The following ANO2 variants were observed in gnomAD, a reference collection of about 807,000 sequenced individuals.
ANO2 encodes the protein anoctamin-2.
A neutral mutation model predicts 124.2 loss-of-function variants in ANO2; 101 were observed. The observed-to-expected ratio is 0.81, with a 90% confidence interval of 0.69 to 0.96. The LOEUF is 0.96. ANO2 is among the 40% of genes least tolerant of loss of function. ANO2 has a pLI of 0.00. For missense variants in ANO2, 1,293 were observed against 1,274.5 expected (o/e 1.01, Z -0.22); for synonymous variants, 486 against 482.5 (o/e 1.01, Z -0.09).
intron 19 of ANO2, among the ~76,000 whole-genome samples, chr12:5,611,414 A>G (rs1944541617): frequency 6.6e-6 from 1 of 152,170 alleles, no homozygotes; most frequent in Non-Finnish European, 1.5e-5. Flanking sequence ...CTCTGAGAAG[A>G]CAAGGGCCGT....
At chr12:5,843,236 A>T (rs1361596573) in intron 4 of ANO2, among the ~76,000 whole-genome samples, 1 of 152,198 alleles carries the variant, frequency 6.6e-6, no homozygotes, top group Non-Finnish European at 1.5e-5. Flanking sequence ...ACGACCGAGG[A>T]TCTGCAAGTT....
At chr12:5,692,946 C>T (rs1949006699) in intron 14 of ANO2, among the ~76,000 whole-genome samples, 1 of 152,194 alleles carries the variant, frequency 6.6e-6, no homozygotes, top group Non-Finnish European at 1.5e-5. Flanking sequence ...TAACTCCTTT[C>T]ATCCTGAGAC....
chr12:5,880,693 T>C (rs1938424456), intron 3 of ANO2, among the ~76,000 whole-genome samples: 1 of 152,088 alleles, frequency 6.6e-6, no homozygotes, highest in African/African-American at 2.4e-5. Flanking sequence ...CCAAAATAAA[T>C]TAAATAATAA....
Position 5,862,677 on chromosome 12 carries a change from G to A in ANO2, c.535-8536C>T, listed in dbSNP as rs1453154660. Among the ~76,000 whole-genome samples, 1 of 152,202 alleles carries A rather than the reference G, an allele frequency of 6.6e-6. No homozygotes were observed. Among genetic ancestry groups the A allele is most frequent in the African/African-American group, 2.4e-5 (1 of 41,448 alleles). On this transcript the variant is annotated intron_variant, in intron 3 of 24. Coordinates refer to ENST00000682330, the MANE Select transcript of ANO2 (RefSeq NM_001364791.2). The surrounding 1 kb of genome is among the most constrained non-coding windows in gnomAD (Gnocchi z 4.0). ...CTCCCATAATTCCCACATGTTGCGG[G>A]AGGGACCTGGTGGGAGGTAACTGAA...
intron 20 of ANO2, among the ~76,000 whole-genome samples, chr12:5,591,154 TG>T (rs1461578846): frequency 2.0e-5 from 3 of 152,210 alleles, no homozygotes; most frequent in African/African-American, 7.2e-5. Flanking sequence ...CACTCCAGCC[TG>T]GGCAACAAGA....
At chr12:5,930,363 C>T (rs926652907) in intron 1 of ANO2, among the ~76,000 whole-genome samples, 6 of 152,110 alleles carry the variant, frequency 3.9e-5, no homozygotes, top group Non-Finnish European at 8.8e-5. Flanking sequence ...ATTTGCTGTG[C>T]TTGGAGCCTG....
intron 3 of ANO2, among the ~76,000 whole-genome samples, chr12:5,914,001 A>G (rs1591784778): frequency 6.6e-6 from 1 of 152,012 alleles, no homozygotes. Flanking sequence ...GGAGTTGGAG[A>G]CCAGCCTCAG....
At chr12:5,746,653 G>C (rs1266515283) in intron 11 of ANO2, among the ~76,000 whole-genome samples, 3 of 152,176 alleles carry the variant, frequency 2.0e-5, no homozygotes, top group African/African-American at 7.2e-5. Flanking sequence ...TAAACGGCTT[G>C]ACAGTCCATT....
chr12:5,687,398 C>G (rs150745448), intron 14 of ANO2, among the ~76,000 whole-genome samples: 1 of 152,368 alleles, frequency 6.6e-6, no homozygotes, highest in East Asian at 1.9e-4. Context: ...TGCAACTCCA[C>G]ACTGAGAAGA....
intron 10 of ANO2, among the ~76,000 whole-genome samples, chr12:5,762,993 C>T (rs1241854696): frequency 6.6e-6 from 1 of 151,894 alleles, no homozygotes; most frequent in Non-Finnish European, 1.5e-5. Context: ...TCAATTTCTG[C>T]ATTTGCCTTG....
At chr12:5,919,766 C>T (rs191749434) in intron 3 of ANO2, among the ~76,000 whole-genome samples, 62 of 151,608 alleles carry the variant, frequency 4.1e-4, no homozygotes, top group Non-Finnish European at 8.7e-4. Flanking sequence ...GGCGCGATCT[C>T]GGCTCACTGC....
At chr12:5,832,911 A>G (rs1276460497) in intron 4 of ANO2, among the ~76,000 whole-genome samples, 2 of 152,232 alleles carry the variant, frequency 1.3e-5, no homozygotes, top group Non-Finnish European at 2.9e-5. Context: ...ATGTGACCCT[A>G]GTAGGTGCTT....
intron 3 of ANO2, among the ~76,000 whole-genome samples, chr12:5,911,640 G>A (rs1248734008): frequency 1.3e-5 from 2 of 152,176 alleles, no homozygotes; most frequent in East Asian, 3.9e-4. Context: ...GTCGTACCAG[G>A]AATACCAGTC....
At chr12:5,805,986 C>T in intron 9 of ANO2, 66 bp downstream of exon 9, 2 of 1,516,158 alleles carry the variant, frequency 1.3e-6, no homozygotes, top group Non-Finnish European at 1.8e-6. Context: ...ACACTTCTAG[C>T]CACTTCCACA....
At chr12:5,872,169 C>A (rs2137282509) in intron 3 of ANO2, among the ~76,000 whole-genome samples, 1 of 152,086 alleles carries the variant, frequency 6.6e-6, no homozygotes, top group East Asian at 1.9e-4. Context: ...AGCTTTTCCC[C>A]AGAGCTCTCC....
At chr12:5,825,019 T>C (rs1444834798) in intron 7 of ANO2, among the ~76,000 whole-genome samples, 1 of 152,184 alleles carries the variant, frequency 6.6e-6, no homozygotes, top group Non-Finnish European at 1.5e-5. Flanking sequence ...ATGTGGAAAT[T>C]CTGGGAGATA....
At chr12:5,837,255 C>T (rs116998950) in intron 4 of ANO2, among the ~76,000 whole-genome samples, 5 of 132,348 alleles carry the variant, frequency 3.8e-5, no homozygotes, top group Admixed American at 7.6e-5. Context: ...GCAGCACCCA[C>T]GGGGCCAGGA....
At chr12:5,799,650 G>T (rs193156521) in intron 9 of ANO2, 79 bp from the exon 10 acceptor site, 168 of 1,290,644 alleles carry the variant, frequency 1.3e-4, no homozygotes, top group Middle Eastern at 1.1e-3. Context: ...TAACAAGTCA[G>T]ATTTTTATCC....
chr12:5,801,700 C>T (rs1953043015), intron 9 of ANO2, among the ~76,000 whole-genome samples: 1 of 152,220 alleles, frequency 6.6e-6, no homozygotes, highest in African/African-American at 2.4e-5. Context: ...CATTTACCAC[C>T]ACTCGCAATG....
Sources: gnomAD v4.1 joint callset for allele counts (sites outside exome capture counted in the v4.1 genomes callset) on GRCh38, gnomAD v4.1.1 for gene constraint, Gnocchi (gnomAD v3.1) non-coding constraint, MANE v1.5 for transcripts, NCBI Gene and HGNC (gene_info 2026-07-23, HGNC 2026-07-21) for gene names.